Variants in PROS1 observed in about 807,000 individuals in gnomAD.
PROS1 encodes protein S.
Under a neutral mutation model 75.9 loss-of-function variants are expected in PROS1, and 29 were observed. The ratio of observed to expected loss-of-function variants is 0.38; its 90% CI spans 0.28 to 0.52. The LOEUF (loss-of-function observed/expected upper bound fraction) is 0.52, where lower values mean the gene tolerates loss of function less well. Ranked by LOEUF, PROS1 falls within the 20% of genes least tolerant of loss-of-function variation. The probability of loss-of-function intolerance (pLI) is 0.83; values close to 1 mark genes in which losing one functional copy is unlikely to be tolerated. For synonymous variants in PROS1, 245 were observed against 280.6 expected (o/e 0.87, Z 1.27); for missense variants, 680 against 810.3 (o/e 0.84, Z 1.95).
At chr3:93,965,028 A>G (rs1161623059) in intron 1 of PROS1, among the ~76,000 whole-genome samples, 3 of 152,194 alleles carry the variant, frequency 2.0e-5, no homozygotes, top group African/African-American at 7.2e-5. Context: ...AGAGCTCACT[A>G]AAATGCGAAT....
At chr3:93,908,613 T>C (rs753255653) in intron 4 of PROS1, among the ~76,000 whole-genome samples, 2 of 152,182 alleles carry the variant, frequency 1.3e-5, no homozygotes, top group Non-Finnish European at 2.9e-5. Flanking sequence ...CAGGAAAATT[T>C]CCAGAGCTCA....
chr3:93,889,696 T>C (rs1452956118), intron 10 of PROS1, among the ~76,000 whole-genome samples: 3 of 152,114 alleles, frequency 2.0e-5, no homozygotes, highest in Non-Finnish European at 4.4e-5. Flanking sequence ...TTCATGGACA[T>C]TTATTAGTTT....
At chr3:93,880,102 C>T (rs1708254097) in intron 12 of PROS1, among the ~76,000 whole-genome samples, 1 of 152,026 alleles carries the variant, frequency 6.6e-6, no homozygotes, top group African/African-American at 2.4e-5. Context: ...CACACGGAGC[C>T]CTTGAAAGGG....
At chr3:93,912,380 T>C (rs1708770808) in intron 3 of PROS1, among the ~76,000 whole-genome samples, 1 of 152,154 alleles carries the variant, frequency 6.6e-6, no homozygotes, top group African/African-American at 2.4e-5. Context: ...TTTCATCACA[T>C]CTGCAAAGTC....
chr3:93,920,189 G>A (rs1213370338), intron 3 of PROS1, among the ~76,000 whole-genome samples: 1 of 151,918 alleles, frequency 6.6e-6, no homozygotes, highest in Non-Finnish European at 1.5e-5. Context: ...CTTGAGCCCA[G>A]GAGTTTGAGA....
At chr3:93,958,144 C>A (rs1559951862) in intron 1 of PROS1, among the ~76,000 whole-genome samples, 2 of 151,700 alleles carry the variant, frequency 1.3e-5, no homozygotes, top group Non-Finnish European at 2.9e-5. Context: ...ATCACCCAAC[C>A]CCCCTAAATT....
intron 1 of PROS1, among the ~76,000 whole-genome samples, chr3:93,962,424 G>C (rs558573506): frequency 6.6e-6 from 1 of 152,296 alleles, no homozygotes; most frequent in South Asian, 2.1e-4. Context: ...GAGTGAAGGA[G>C]AGGAGAGAGG....
intron 10 of PROS1, among the ~76,000 whole-genome samples, chr3:93,889,125 G>T (rs1264343213): frequency 1.3e-5 from 2 of 152,046 alleles, no homozygotes; most frequent in East Asian, 3.9e-4. Context: ...TCAAGTCTCA[G>T]CTCAGATCTA....
intron 1 of PROS1, among the ~76,000 whole-genome samples, chr3:93,940,728 C>T (rs1709271035): frequency 6.6e-6 from 1 of 152,098 alleles, no homozygotes; most frequent in South Asian, 2.1e-4. Flanking sequence ...CCCTAATCAC[C>T]ATTACCTTGC....
At chr3:93,892,558 A>T (rs1383715204) in intron 10 of PROS1, among the ~76,000 whole-genome samples, 1 of 151,096 alleles carries the variant, frequency 6.6e-6, no homozygotes, top group Non-Finnish European at 1.5e-5. Context: ...TGGGAGGTGG[A>T]GGTTGCAGTG....
chr3:93,950,588 C>T (rs1345271423), intron 1 of PROS1, among the ~76,000 whole-genome samples: 1 of 152,200 alleles, frequency 6.6e-6, no homozygotes, highest in Non-Finnish European at 1.5e-5. Context: ...GAGTGGACAT[C>T]CATCAAAGCC....
intron 8 of PROS1, among the ~76,000 whole-genome samples, chr3:93,898,100 G>T (rs1708530122): frequency 6.6e-6 from 1 of 152,044 alleles, no homozygotes. Flanking sequence ...TGTTTTCACT[G>T]AAGTTTCTAT....
chr3:93,897,778 A>G (rs1266654961), intron 8 of PROS1, among the ~76,000 whole-genome samples: 2 of 152,082 alleles, frequency 1.3e-5, no homozygotes, highest in Non-Finnish European at 2.9e-5. Flanking sequence ...GATGCAGGAA[A>G]AAAAGAGCTC....
chr3:93,919,502 C>T (rs1708913245), intron 3 of PROS1, among the ~76,000 whole-genome samples: 1 of 150,896 alleles, frequency 6.6e-6, no homozygotes, highest in African/African-American at 2.4e-5. Context: ...ATAAATATCA[C>T]CTCTTGATAT....
chr3:93,922,284 T>C (rs939496480), intron 3 of PROS1, among the ~76,000 whole-genome samples: 18 of 152,142 alleles, frequency 1.2e-4, no homozygotes, highest in African/African-American at 4.3e-4. Flanking sequence ...CCAGCTCACA[T>C]CAAAAAATGA....
intron 10 of PROS1, among the ~76,000 whole-genome samples, chr3:93,891,349 G>A (rs1708428268): frequency 6.6e-6 from 1 of 152,118 alleles, no homozygotes. Flanking sequence ...CTTTAATCCA[G>A]TTGATTAAAG....
At chr3:93,942,762 G>T (rs1313842399) in intron 1 of PROS1, among the ~76,000 whole-genome samples, 2 of 152,098 alleles carry the variant, frequency 1.3e-5, no homozygotes, top group Non-Finnish European at 2.9e-5. Context: ...CCTCTCATTT[G>T]CTTTCCATCA....
At chr3:93,931,445 C>T (rs993323734) in intron 1 of PROS1, among the ~76,000 whole-genome samples, 7 of 152,080 alleles carry the variant, frequency 4.6e-5, no homozygotes, top group Admixed American at 1.3e-4. Context: ...ATATGATGTA[C>T]GATTTTAGAA....
chr3:93,915,456 A>C (rs1365297170), intron 3 of PROS1, among the ~76,000 whole-genome samples: 2 of 152,142 alleles, frequency 1.3e-5, no homozygotes, highest in Admixed American at 6.5e-5. Context: ...ACAAAGCAAG[A>C]CTCTGTCTCT....
Sources: gnomAD v4.1 joint callset for allele counts (sites outside exome capture counted in the v4.1 genomes callset) on GRCh38, gnomAD v4.1.1 for gene constraint, MANE v1.5 for transcripts, NCBI Gene and HGNC (gene_info 2026-07-23, HGNC 2026-07-21) for gene names.